ULK4: variants seen among roughly 807,000 people sequenced by gnomAD.
The protein encoded by ULK4 is unc-51 like kinase 4.
Under a neutral mutation model 160.6 loss-of-function variants are expected in ULK4, and 133 were observed. The observed-to-expected ratio is 0.83, with a 90% CI of 0.72 to 0.96. The LOEUF (loss-of-function observed/expected upper bound fraction) is 0.96. Ranked by LOEUF, ULK4 falls within the 40% of genes least tolerant of loss-of-function variation. The pLI, the probability that ULK4 is intolerant of heterozygous loss-of-function variation, is 0.00. For missense variants in ULK4, 1,580 were observed against 1,499.5 expected (o/e 1.05, Z -0.89); for synonymous variants, 534 against 539.8 (o/e 0.99, Z 0.15).
intron 32 of ULK4, among the ~76,000 whole-genome samples, chr3:41,486,327 A>G (rs1178037627): frequency 6.6e-6 from 1 of 152,210 alleles, no homozygotes; most frequent in Non-Finnish European, 1.5e-5. Flanking sequence ...TCATTCTAGA[A>G]ATTTGTTGCC....
At position 41,628,976 on chromosome 3, in the gene ULK4, C is replaced by T. The variant is rs369916428; in HGVS notation, c.3072-13259G>A. ...CTGGGCAAGTTTAGGACTGCTTTGA[C>T]CAAGAAAGTGGCATAGAAGTGACAC... On this transcript the variant is annotated intron_variant, in intron 30 of 36. Coordinates refer to ENST00000301831, the MANE Select transcript of ULK4 (RefSeq NM_017886.4). Among the ~76,000 whole-genome samples the T allele has an allele frequency of 2.1e-4, 32 of 152,274 alleles. No individual in the cohort carries two copies. In the South Asian group the frequency reaches 6.2e-3, roughly 30 times the overall value.
chr3:41,691,854 C>T (rs1453438841), intron 27 of ULK4, among the ~76,000 whole-genome samples: 1 of 151,062 alleles, frequency 6.6e-6, no homozygotes, highest in Non-Finnish European at 1.5e-5. Flanking sequence ...AATGACAACC[C>T]AACACCAAAC....
intron 2 of ULK4, among the ~76,000 whole-genome samples, chr3:41,944,838 A>C (rs1423767744): frequency 6.6e-6 from 1 of 152,106 alleles, no homozygotes; most frequent in Non-Finnish European, 1.5e-5. Flanking sequence ...CCATTGCCAA[A>C]TCCTCAGTCC....
intron 18 of ULK4, among the ~76,000 whole-genome samples, chr3:41,820,416 T>C (rs1260026938): frequency 5.9e-5 from 9 of 152,146 alleles, no homozygotes; most frequent in Non-Finnish European, 1.5e-5. Flanking sequence ...TCAACTTAGG[T>C]GCCCATCAAC....
chr3:41,382,154 T>G lies in ULK4; in HGVS notation c.3678+15925A>C, dbSNP rs1255016840. 2.0e-5 allele frequency among the ~76,000 whole-genome samples: 3 copies of G among 152,196 alleles called. No homozygotes were observed. In the East Asian group the frequency reaches 5.8e-4, roughly 29 times the overall value. On this transcript the variant is annotated intron_variant, in intron 35 of 36. Coordinates refer to ENST00000301831, the MANE Select transcript of ULK4 (RefSeq NM_017886.4). ...TTTCTCTCTATATTTTTCTTCTTAG[T>G]GCTTTCCCTATGTAAAATACCACAT...
chr3:41,412,553 A>ATTTTTTTTTTTTTTTTTTTTTTTTTTTTT (rs57224854), intron 34 of ULK4, among the ~76,000 whole-genome samples: 4 of 100,452 alleles, frequency 4.0e-5, no homozygotes, highest in Non-Finnish European at 5.9e-5. Flanking sequence ...ATGCAGTTGA[A>ATTTTTTTTTTTTTTTTTTTTTTTTTTTTT]TTTTTTTTTT....
At chr3:41,788,378 C>A (rs1391483366) in intron 21 of ULK4, among the ~76,000 whole-genome samples, 1 of 152,124 alleles carries the variant, frequency 6.6e-6, no homozygotes. Context: ...TTTTGCAAAA[C>A]TCTGAATTGA....
At chr3:41,586,932 CA>C (rs2030858327) in intron 31 of ULK4, among the ~76,000 whole-genome samples, 1 of 151,950 alleles carries the variant, frequency 6.6e-6, no homozygotes, top group South Asian at 2.1e-4. Context: ...TACTTAGGGG[CA>C]AAAAACACAC....
intron 32 of ULK4, among the ~76,000 whole-genome samples, chr3:41,539,341 G>A (rs1311898414): frequency 6.6e-6 from 1 of 152,142 alleles, no homozygotes; most frequent in Non-Finnish European, 1.5e-5. Flanking sequence ...GCAGCCGACA[G>A]CAGGCTACAT....
chr3:41,499,891 C>A (rs1181870810), intron 32 of ULK4, among the ~76,000 whole-genome samples: 2 of 152,146 alleles, frequency 1.3e-5, no homozygotes. Context: ...ACAATTCAGA[C>A]TTTCTACTCC....
At chr3:41,523,710 AAC>A (rs956038768) in intron 32 of ULK4, among the ~76,000 whole-genome samples, 2 of 152,158 alleles carry the variant, frequency 1.3e-5, no homozygotes, top group South Asian at 2.1e-4. Flanking sequence ...CACTTCAGAA[AAC>A]AGTCTGGCAG....
intron 21 of ULK4, chr3:41,767,016 T>C (rs1303322458): frequency 6.6e-6 from 1 of 152,248 alleles, no homozygotes; most frequent in African/African-American, 2.4e-5. Context: ...CTGTGAAATA[T>C]GTTCACTTCC....
intron 35 of ULK4, among the ~76,000 whole-genome samples, chr3:41,283,664 G>A (rs751321795): frequency 3.9e-5 from 6 of 152,092 alleles, no homozygotes; most frequent in Non-Finnish European, 8.8e-5. Context: ...GGCTGGGGGA[G>A]GGATAGCATT....
intron 29 of ULK4, among the ~76,000 whole-genome samples, chr3:41,671,066 G>C (rs2035521503): frequency 6.6e-6 from 1 of 151,914 alleles, no homozygotes; most frequent in Non-Finnish European, 1.5e-5. Flanking sequence ...AATATCTGAA[G>C]TTAAATTTTA....
chr3:41,828,510 C>CAGAGAGCCAAATCATG (rs2041453391), intron 18 of ULK4, among the ~76,000 whole-genome samples: 1 of 135,828 alleles, frequency 7.4e-6, no homozygotes, highest in South Asian at 2.3e-4. Flanking sequence ...CAATAACAGA[C>CAGAGAGCCAAATCATG]AGAGAGCCAA....
At chr3:41,908,870 A>G (rs1330462253) in intron 11 of ULK4, among the ~76,000 whole-genome samples, 1 of 152,096 alleles carries the variant, frequency 6.6e-6, no homozygotes, top group African/African-American at 2.4e-5. Flanking sequence ...AGGTGGTCAG[A>G]TCACTTGAGG....
intron 29 of ULK4, among the ~76,000 whole-genome samples, chr3:41,676,561 T>C (rs1329166284): frequency 6.6e-6 from 1 of 151,982 alleles, no homozygotes; most frequent in African/African-American, 2.4e-5. Context: ...TCAGTAAACA[T>C]TTTTACATAC....
At chr3:41,959,664 C>T (rs547722035) in intron 1 of ULK4, among the ~76,000 whole-genome samples, 1 of 152,108 alleles carries the variant, frequency 6.6e-6, no homozygotes, top group Non-Finnish European at 1.5e-5. Context: ...CCTGGCCTAG[C>T]ACAGTGCCTC....
At chr3:41,746,296 A>AAAAAAAAAAAAAAAAAAAAAAAT (rs2038420400) in intron 22 of ULK4, among the ~76,000 whole-genome samples, 1 of 143,244 alleles carries the variant, frequency 7.0e-6, no homozygotes, top group African/African-American at 2.7e-5. Context: ...AAAAAAAAAA[A>AAAAAAAAAAAAAAAAAAAAAAAT]CCACCTACAA....
Sources: allele counts gnomAD v4.1 joint callset (sites outside exome capture counted in the v4.1 genomes callset), GRCh38; gene constraint gnomAD v4.1.1; transcripts MANE v1.5; gene names NCBI Gene and HGNC (gene_info 2026-07-23, HGNC 2026-07-21).